The following IL1RAPL2 variants were observed in gnomAD, a reference collection of about 807,000 sequenced individuals.
IL1RAPL2 encodes X-linked interleukin-1 receptor accessory protein-like 2.
IL1RAPL2 carries 3 observed loss-of-function variants against 44.1 expected under a neutral mutation model. The ratio of observed to expected loss-of-function variants is 0.07; its 90% CI spans 0.03 to 0.18. IL1RAPL2 has a LOEUF of 0.18. Among genes scored for constraint, IL1RAPL2 ranks in the 10% least tolerant of loss-of-function variants. The probability of loss-of-function intolerance (pLI) is 1.00; values close to 1 mark genes in which losing one functional copy is unlikely to be tolerated. For missense variants in IL1RAPL2, 391 were observed against 496.4 expected, an observed-to-expected ratio of 0.79 and a Z score of 2.02; for synonymous variants, 181 against 178.8, an observed-to-expected ratio of 1.01 and a Z score of -0.10.
At chrX:105,203,716 T>C (rs112656645) in intron 3 of IL1RAPL2, among the ~76,000 whole-genome samples, 2 of 111,861 alleles carry the variant, frequency 1.8e-5, no homozygotes, top group African/African-American at 6.5e-5. Context: ...TAATGTCATG[T>C]GGCATAGTTG....
At chrX:105,479,599 C>T (rs761138322) in intron 5 of IL1RAPL2, among the ~76,000 whole-genome samples, 19 of 108,813 alleles carry the variant, frequency 1.7e-4, no homozygotes, top group African/African-American at 6.0e-4. Flanking sequence ...ATTAGCCGGG[C>T]GTGGTGGTGC....
intron 1 of IL1RAPL2, among the ~76,000 whole-genome samples, chrX:104,610,418 A>G (rs1183656830): frequency 3.6e-5 from 4 of 112,065 alleles, no homozygotes; most frequent in Non-Finnish European, 7.5e-5. Flanking sequence ...TAAGCTGATA[A>G]GCAACTTCAG....
intron 1 of IL1RAPL2, among the ~76,000 whole-genome samples, chrX:104,572,653 G>A (rs142278789): frequency 1.1e-3 from 121 of 111,909 alleles, no homozygotes; most frequent in Non-Finnish European, 2.1e-3. Flanking sequence ...GGAGTGCAGT[G>A]GTGTGATCAC....
chrX:105,229,152 T>C (rs940630249), intron 3 of IL1RAPL2, among the ~76,000 whole-genome samples: 1 of 112,029 alleles, frequency 8.9e-6, no homozygotes, highest in East Asian at 2.8e-4. Context: ...CTAATGAAAG[T>C]AACATTTTTA....
intron 2 of IL1RAPL2, among the ~76,000 whole-genome samples, chrX:104,934,438 T>G (rs1924981453): frequency 1.8e-5 from 2 of 111,342 alleles, no homozygotes; most frequent in African/African-American, 3.3e-5. Context: ...CACAGATGAT[T>G]ATTATCAGTG....
chrX:105,157,906 T>C (rs1021888421), intron 2 of IL1RAPL2, among the ~76,000 whole-genome samples: 2 of 112,361 alleles, frequency 1.8e-5, no homozygotes, highest in Non-Finnish European at 3.7e-5. Flanking sequence ...CTTTAGAATG[T>C]ATGAGTTTTA....
chrX:105,745,725 C>T (rs2038535718), intron 8 of IL1RAPL2, among the ~76,000 whole-genome samples: 1 of 110,775 alleles, frequency 9.0e-6, no homozygotes, highest in African/African-American at 3.3e-5. Flanking sequence ...AGTCTGTTGC[C>T]CAGGCTGAAA....
intron 4 of IL1RAPL2, among the ~76,000 whole-genome samples, chrX:105,265,625 G>A (rs1488027177): frequency 9.0e-6 from 1 of 111,622 alleles, no homozygotes; most frequent in Non-Finnish European, 1.9e-5. Flanking sequence ...GACAATGTGT[G>A]TGGGTAGTTG....
intron 6 of IL1RAPL2, among the ~76,000 whole-genome samples, chrX:105,689,798 G>C (rs1321210849): frequency 8.9e-6 from 1 of 112,175 alleles, no homozygotes; most frequent in Non-Finnish European, 1.9e-5. Context: ...ATTCACAATA[G>C]CAAAGACTTG....
At chrX:105,447,137 G>A (rs1180476976) in intron 5 of IL1RAPL2, among the ~76,000 whole-genome samples, 70 of 25,169 alleles carry the variant, frequency 2.8e-3, no homozygotes, top group South Asian at 7.5e-3. Flanking sequence ...ATATATATAT[G>A]AATATAAATA....
intron 6 of IL1RAPL2, among the ~76,000 whole-genome samples, chrX:105,555,698 C>T: frequency 8.9e-6 from 1 of 112,256 alleles, no homozygotes. Flanking sequence ...TTTTTGTACA[C>T]ACCAACCCAC....
At chrX:105,014,156 C>A (rs750483732) in intron 2 of IL1RAPL2, among the ~76,000 whole-genome samples, 1 of 110,948 alleles carries the variant, frequency 9.0e-6, no homozygotes, top group South Asian at 3.7e-4. Context: ...AATATTTTTC[C>A]CCAGGGAACA....
intron 7 of IL1RAPL2, among the ~76,000 whole-genome samples, chrX:105,732,768 G>T (rs2038416639): frequency 1.8e-5 from 2 of 111,124 alleles, no homozygotes; most frequent in African/African-American, 6.5e-5. Flanking sequence ...ACCATACCAT[G>T]TCACAAGTAG....
chrX:105,206,189 A>G (rs2033762572), intron 3 of IL1RAPL2, among the ~76,000 whole-genome samples: 1 of 111,710 alleles, frequency 9.0e-6, no homozygotes, highest in Non-Finnish European at 1.9e-5. Context: ...TATCACCAAT[A>G]CTGACATAGA....
intron 5 of IL1RAPL2, among the ~76,000 whole-genome samples, chrX:105,430,660 T>A (rs2035841414): frequency 9.0e-6 from 1 of 111,423 alleles, no homozygotes; most frequent in Non-Finnish European, 1.9e-5. Context: ...TTGTATATCA[T>A]CTTTTCTCAT....
At chrX:105,399,282 A>C (rs915424956) in intron 5 of IL1RAPL2, among the ~76,000 whole-genome samples, 1 of 110,298 alleles carries the variant, frequency 9.1e-6, no homozygotes, top group Admixed American at 9.7e-5. Context: ...TTTAAAAGAC[A>C]CTCTGTTACT....
intron 1 of IL1RAPL2, among the ~76,000 whole-genome samples, chrX:104,635,305 C>G (rs892173858): frequency 4.5e-5 from 5 of 110,399 alleles, no homozygotes; most frequent in South Asian, 7.8e-4. Flanking sequence ...TTTGGTGAAT[C>G]TGACAATTTT....
At chrX:105,306,315 G>A (rs1239455224) in intron 5 of IL1RAPL2, among the ~76,000 whole-genome samples, 1 of 111,003 alleles carries the variant, frequency 9.0e-6, no homozygotes, top group Non-Finnish European at 1.9e-5. Context: ...CCCAAGAAAA[G>A]GAGAGTATTC....
chrX:105,000,824 T>C lies in IL1RAPL2; in HGVS notation c.83-194651T>C, dbSNP rs555149440. Among the ~76,000 whole-genome samples, 3 of 111,418 alleles carry C rather than the reference T, an allele frequency of 2.7e-5. No homozygotes were observed. In the East Asian group the frequency reaches 8.6e-4, roughly 32 times the overall value. On this transcript the variant is annotated intron_variant, in intron 2 of 10. Coordinates refer to ENST00000372582, the MANE Select transcript of IL1RAPL2 (RefSeq NM_017416.2). ...GAACTACAGGTTGGTTAGAATTAAATTATAGTTATTAAAGACAAGAATCTA... is the reference window on the plus strand; with the variant it reads ...GAACTACAGGTTGGTTAGAATTAAACTATAGTTATTAAAGACAAGAATCTA...
Sources: allele counts gnomAD v4.1 joint callset (sites outside exome capture counted in the v4.1 genomes callset), GRCh38; gene constraint gnomAD v4.1.1; transcripts MANE v1.5; gene names NCBI Gene and HGNC (gene_info 2026-07-23, HGNC 2026-07-21).